The following BCAS3 variants were observed in gnomAD, a reference collection of about 807,000 sequenced individuals.
The protein encoded by BCAS3 is BCAS3 microtubule associated cell migration factor.
In BCAS3, 53 loss-of-function variants were observed where a neutral mutation model predicts 116.1. The observed-to-expected ratio is 0.46, with a 90% CI of 0.37 to 0.57. The LOEUF is 0.57. Ranked by LOEUF, BCAS3 falls within the 20% of genes least tolerant of loss-of-function variation. The pLI is 0.00. For missense variants in BCAS3, 917 were observed against 1,165.4 expected, an observed-to-expected ratio of 0.79 and a Z score of 3.10; for synonymous variants, 391 against 408.2, an observed-to-expected ratio of 0.96 and a Z score of 0.51.
intron 7 of BCAS3, among the ~76,000 whole-genome samples, chr17:60,843,851 CATTT>C (rs2052226028): frequency 6.6e-6 from 1 of 152,126 alleles, no homozygotes; most frequent in African/African-American, 2.4e-5. Flanking sequence ...TTATTTTACT[CATTT>C]ATGTGTTTAT....
chr17:61,190,122 A>G (rs2080013671), intron 22 of BCAS3, among the ~76,000 whole-genome samples: 1 of 152,172 alleles, frequency 6.6e-6, no homozygotes, highest in African/African-American at 2.4e-5. Flanking sequence ...AATGATGAGG[A>G]CAGAAGTAGT....
At chr17:61,238,297 A>G (rs55943103) in intron 22 of BCAS3, among the ~76,000 whole-genome samples, 1 of 149,354 alleles carries the variant, frequency 6.7e-6, no homozygotes, top group Non-Finnish European at 1.5e-5. Context: ...ATCTTGGCTC[A>G]CTGCAACCTC....
chr17:60,866,675 G>C (rs750774025), intron 7 of BCAS3, among the ~76,000 whole-genome samples: 13 of 152,092 alleles, frequency 8.5e-5, no homozygotes, highest in Admixed American at 3.3e-4. Context: ...TAGATCGTGA[G>C]CTATTCAAAT....
chr17:61,116,667 A>C (rs1191258817), intron 22 of BCAS3, among the ~76,000 whole-genome samples: 2 of 152,142 alleles, frequency 1.3e-5, no homozygotes, highest in Non-Finnish European at 2.9e-5. Flanking sequence ...ATTCTTTTAG[A>C]GTAAGTCCAC....
chr17:60,976,184 C>T (rs1600147850), intron 14 of BCAS3, among the ~76,000 whole-genome samples: 2 of 142,462 alleles, frequency 1.4e-5, no homozygotes. Context: ...CCACCACACT[C>T]GGCTAATTTT....
Position 61,348,353 on chromosome 17 carries a change from G to A in BCAS3, c.2426-19974G>A, listed in dbSNP as rs865876684. Among the ~76,000 whole-genome samples the A allele has an allele frequency of 3.9e-5, 6 of 152,204 alleles. No individual in the cohort carries two copies. The highest frequency in any genetic ancestry group is 2.1e-4 in the South Asian group (1 of 4,830). The stretch of plus-strand genomic sequence containing the variant: ...AGGTGCCTGTGGAACATCCAAGTGA[G>A]GGTGCTTGGTCTTACGCAGATGGTT... On this transcript the variant is annotated intron_variant, in intron 22 of 23. Transcript: ENST00000407086. This position sits in a 1 kb window ranked among gnomAD's most constrained non-coding sequence, Gnocchi z 4.5.
chr17:60,717,704 C>T (rs147678376), intron 5 of BCAS3, among the ~76,000 whole-genome samples: 3 of 152,240 alleles, frequency 2.0e-5, no homozygotes, highest in South Asian at 2.1e-4. Context: ...TACTTATACC[C>T]GCCATCTAGA....
rs532053281 is a variant in BCAS3, at chr17:61,286,027, C to A, written c.2426-82300C>A. Among the ~76,000 whole-genome samples the A allele has an allele frequency of 9.2e-5, 14 of 152,326 alleles. No individual in the cohort carries two copies. Among genetic ancestry groups the A allele is most frequent in the African/African-American group, 3.4e-4 (14 of 41,568 alleles). On this transcript the variant is annotated intron_variant, in intron 22 of 23. Coordinates refer to ENST00000407086, the MANE Select transcript of BCAS3 (RefSeq NM_017679.5). The surrounding 1 kb of genome is among the most constrained non-coding windows in gnomAD (Gnocchi z 4.8). ...GCTTTGACTGTCAATATCATGACAC[C>A]TTTTTACTCATGGACCAGAAACATT...
At chr17:61,319,848 G>A (rs2055046853) in intron 22 of BCAS3, among the ~76,000 whole-genome samples, 1 of 150,528 alleles carries the variant, frequency 6.6e-6, no homozygotes, top group Non-Finnish European at 1.5e-5. Context: ...TCATAGAATA[G>A]TCTTTTTTCT....
At chr17:61,062,255 C>T (rs536883291) in intron 19 of BCAS3, among the ~76,000 whole-genome samples, 34 of 152,170 alleles carry the variant, frequency 2.2e-4, no homozygotes, top group African/African-American at 7.5e-4. Context: ...ATAAATCCTC[C>T]GTATCTCCCA....
chr17:61,107,139 T>G (rs1324105008), intron 22 of BCAS3, among the ~76,000 whole-genome samples: 2 of 133,436 alleles, frequency 1.5e-5, no homozygotes, highest in Middle Eastern at 5.6e-3. Flanking sequence ...CAGGCTGGAG[T>G]GAAGTGGTGT....
At chr17:60,712,797 G>GTGCTCT (rs2038093537) in intron 5 of BCAS3, among the ~76,000 whole-genome samples, 1 of 152,216 alleles carries the variant, frequency 6.6e-6, no homozygotes, top group Non-Finnish European at 1.5e-5. Flanking sequence ...AATGGCTGAA[G>GTGCTCT]CTTACATAGT....
intron 22 of BCAS3, among the ~76,000 whole-genome samples, chr17:61,334,664 C>CAAAAAAAAA: frequency 2.0e-5 from 1 of 50,902 alleles, no homozygotes; most frequent in Non-Finnish European, 3.9e-5. Context: ...AACTCCATCT[C>CAAAAAAAAA]AAAAAAAAAA....
intron 14 of BCAS3, among the ~76,000 whole-genome samples, chr17:60,980,935 G>A (rs2062772808): frequency 6.6e-6 from 1 of 151,956 alleles, no homozygotes; most frequent in Admixed American, 6.6e-5. Flanking sequence ...CTGGGCTGAA[G>A]CGATTCTCCC....
chr17:60,782,422 TA>T (rs2045914939), intron 6 of BCAS3, among the ~76,000 whole-genome samples: 1 of 152,124 alleles, frequency 6.6e-6, no homozygotes, highest in South Asian at 2.1e-4. Context: ...GAATGTAGAT[TA>T]CAAACCAATT....
At chr17:61,322,814 G>GAGAGAGACAGAGAGAGAGAGAGAGAC (rs2055362285) in intron 22 of BCAS3, among the ~76,000 whole-genome samples, 1 of 130,952 alleles carries the variant, frequency 7.6e-6, no homozygotes, top group African/African-American at 3.1e-5. Flanking sequence ...GAGAGAGAGA[G>GAGAGAGACAGAGAGAGAGAGAGAGAC]AGAGAGAGAG....
chr17:61,116,122 G>A (rs1601368703), intron 22 of BCAS3, among the ~76,000 whole-genome samples: 1 of 150,938 alleles, frequency 6.6e-6, no homozygotes, highest in Non-Finnish European at 1.5e-5. Context: ...GGATAGCATT[G>A]GGAGATATAC....
At chr17:60,886,560 C>T (rs1449530412) in intron 9 of BCAS3, 2 of 151,158 alleles carry the variant, frequency 1.3e-5, no homozygotes, top group African/African-American at 4.8e-5. Flanking sequence ...TCTGTTTTTT[C>T]CCCATCTTTG....
chr17:60,865,702 A>T (rs530939175), intron 7 of BCAS3, among the ~76,000 whole-genome samples: 1 of 152,298 alleles, frequency 6.6e-6, no homozygotes, highest in East Asian at 1.9e-4. Flanking sequence ...AGATCATGTT[A>T]TCTGTGATGG....
Sources: allele counts gnomAD v4.1 joint callset (sites outside exome capture counted in the v4.1 genomes callset), GRCh38; gene constraint gnomAD v4.1.1; non-coding constraint Gnocchi (gnomAD v3.1); transcripts MANE v1.5; gene names NCBI Gene and HGNC (gene_info 2026-07-23, HGNC 2026-07-21).